Variants in ADCY2 observed in about 807,000 individuals in gnomAD.
ADCY2 encodes the protein adenylate cyclase 2, also known as adenylate cyclase type 2.
In ADCY2, 31 loss-of-function variants were observed where a neutral mutation model predicts 125.2. That is an observed-to-expected ratio of 0.25 (90% confidence interval 0.19 to 0.33). The LOEUF (loss-of-function observed/expected upper bound fraction) is 0.33. Ranked by LOEUF, ADCY2 falls within the 10% of genes least tolerant of loss-of-function variation. ADCY2 has a pLI of 1.00. For synonymous variants in ADCY2, 512 were observed against 548.4 expected, an observed-to-expected ratio of 0.93 and a Z score of 0.93; for missense variants, 904 against 1,418.2, an observed-to-expected ratio of 0.64 and a Z score of 5.82.
intron 18 of ADCY2, among the ~76,000 whole-genome samples, chr5:7,777,042 A>G (rs555523119): frequency 2.1e-5 from 3 of 141,222 alleles, no homozygotes; most frequent in African/African-American, 7.8e-5. Context: ...AATTCTCGGT[A>G]ATAAACTCCC....
At chr5:7,671,993 C>A (rs1036488652) in intron 4 of ADCY2, among the ~76,000 whole-genome samples, 1 of 152,052 alleles carries the variant, frequency 6.6e-6, no homozygotes, top group African/African-American at 2.4e-5. Flanking sequence ...GGTTTTGGTG[C>A]AGTGACTTTT....
At chr5:7,770,577 C>T (rs533889335) in intron 17 of ADCY2, among the ~76,000 whole-genome samples, 5 of 152,274 alleles carry the variant, frequency 3.3e-5, no homozygotes, top group East Asian at 1.9e-4. Flanking sequence ...ACTTAATCTT[C>T]GTGAGAATTC....
intron 2 of ADCY2, among the ~76,000 whole-genome samples, chr5:7,478,800 T>C (rs967606282): frequency 6.6e-6 from 1 of 152,176 alleles, no homozygotes; most frequent in African/African-American, 2.4e-5. Context: ...CATTATGTAT[T>C]GGAGTCATAG....
chr5:7,636,551 C>T (rs1738510855), intron 4 of ADCY2, among the ~76,000 whole-genome samples: 2 of 152,154 alleles, frequency 1.3e-5, no homozygotes, highest in Admixed American at 1.3e-4. Context: ...CCTTGAGAAA[C>T]TGCAAGGAGG....
At chr5:7,688,508 A>T (rs991964019) in intron 4 of ADCY2, among the ~76,000 whole-genome samples, 3 of 152,046 alleles carry the variant, frequency 2.0e-5, no homozygotes, top group African/African-American at 7.3e-5. Flanking sequence ...ACCTCAGGTG[A>T]TCTGCCCGCA....
chr5:7,552,284 A>C (rs1046239152), intron 3 of ADCY2, among the ~76,000 whole-genome samples: 3 of 152,232 alleles, frequency 2.0e-5, no homozygotes, highest in South Asian at 2.1e-4. Context: ...CATTTTAATT[A>C]CATTGTTTTT....
chr5:7,577,848 G>T (rs1341074323), intron 3 of ADCY2, among the ~76,000 whole-genome samples: 1 of 152,188 alleles, frequency 6.6e-6, no homozygotes, highest in Admixed American at 6.6e-5. Flanking sequence ...AGCACTTACA[G>T]TTTGATTGCT....
Position 7,491,593 on chromosome 5 carries a change from T to C in ADCY2, c.409-29145T>C, listed in dbSNP as rs188462100. Among the ~76,000 whole-genome samples, 146 of 152,306 alleles carry C rather than the reference T, an allele frequency of 9.6e-4. 1 individual carries two copies. The highest frequency in any genetic ancestry group is 3.2e-3 in the African/African-American group (133 of 41,572). On this transcript the variant is annotated intron_variant, in intron 2 of 24. Transcript: ENST00000338316. ...TTTGTTCTTTTCTTTTTGTGCATTA[T>C]ATATAGAAAAACAGTTTATATAATT...
chr5:7,790,554 G>A (rs1249709351), intron 20 of ADCY2, among the ~76,000 whole-genome samples: 6 of 152,248 alleles, frequency 3.9e-5, no homozygotes, highest in Non-Finnish European at 8.8e-5. Flanking sequence ...ATGTATCTGA[G>A]CATCCACAGT....
chr5:7,718,443 C>T lies in ADCY2; in HGVS notation c.1703+1206C>T, dbSNP rs377371975. Among the ~76,000 whole-genome samples, 31 of 152,212 alleles carry T rather than the reference C, an allele frequency of 2.0e-4. No individual in the cohort carries two copies. In the Middle Eastern group the frequency reaches 0.01, roughly 50 times the overall value. On this transcript the variant is annotated intron_variant, in intron 12 of 24. Coordinates refer to ENST00000338316, the MANE Select transcript of ADCY2 (RefSeq NM_020546.3). ...GATTACAGGTGTGAGCCACCACGCC[C>T]GGCCTTAGATTGTTCCTTGTAGGTA... is the stretch of plus-strand genomic sequence containing the variant.
At chr5:7,437,076 C>T (rs1267561824) in intron 2 of ADCY2, among the ~76,000 whole-genome samples, 1 of 152,170 alleles carries the variant, frequency 6.6e-6, no homozygotes, top group Non-Finnish European at 1.5e-5. Flanking sequence ...CCGTGCTTCC[C>T]TCCATCATGC....
intron 4 of ADCY2, among the ~76,000 whole-genome samples, chr5:7,678,513 AAG>A (rs369360459): frequency 6.6e-6 from 1 of 152,242 alleles, no homozygotes; most frequent in African/African-American, 2.4e-5. Context: ...ATAAAATTGA[AAG>A]AGAGAGATGT....
rs561359357 is a variant in ADCY2 at position 7,699,081 on chromosome 5, ATTTTTTTTTTTTTTTTTTTTTT to A, written c.1109+720_1109+741del. Among the ~76,000 whole-genome samples the A allele has an allele frequency of 7.9e-5, 3 of 37,964 alleles. No individual in the cohort carries two copies. The East Asian group carries it at 4.1e-3, about 52-fold the overall frequency. The allele number at this position is 37,964 out of a possible 152,430, so 24.9% of individuals were successfully genotyped here. On this transcript the variant is annotated intron_variant, in intron 7 of 24. Transcript: ENST00000338316. ...CCTGAGTCAGGAAACAACAGTAAGC[ATTTTTTTTTTTTTTTTTTTTTT>A]TTTTTTTTTTTTGAGACGGAGTCTC...
intron 14 of ADCY2, among the ~76,000 whole-genome samples, chr5:7,738,917 C>T (rs953644234): frequency 6.6e-6 from 1 of 151,870 alleles, no homozygotes; most frequent in Non-Finnish European, 1.5e-5. Context: ...ATAAAAGCAT[C>T]TTATGCATAT....
chr5:7,622,259 T>A (rs189652812), intron 3 of ADCY2, among the ~76,000 whole-genome samples: 1 of 152,336 alleles, frequency 6.6e-6, no homozygotes, highest in East Asian at 1.9e-4. Context: ...ATTCCATGCA[T>A]GCATCATTTT....
At chr5:7,626,612 G>C (rs965390460) in intron 4 of ADCY2, among the ~76,000 whole-genome samples, 1 of 152,288 alleles carries the variant, frequency 6.6e-6, no homozygotes, top group East Asian at 1.9e-4. Flanking sequence ...TCCACTCATG[G>C]ATAATGGGTA....
intron 1 of ADCY2, among the ~76,000 whole-genome samples, chr5:7,400,194 G>A (rs990512120): frequency 6.6e-6 from 1 of 151,986 alleles, no homozygotes; most frequent in Non-Finnish European, 1.5e-5. Context: ...CAATATAAAT[G>A]AAAAAATTTT....
At chr5:7,789,513 G>A (rs976590156) in intron 19 of ADCY2, 129 bp from the exon 20 acceptor site, 38 of 844,952 alleles carry the variant, frequency 4.5e-5, no homozygotes, top group Non-Finnish European at 6.1e-5. Context: ...TTATGGGGAG[G>A]GTGGAAGTTC....
chr5:7,572,977 G>T (rs1303119072), intron 3 of ADCY2, among the ~76,000 whole-genome samples: 2 of 152,050 alleles, frequency 1.3e-5, no homozygotes, highest in Non-Finnish European at 2.9e-5. Context: ...TTTAGGGTGG[G>T]CTGTAATCTG....
Sources: gnomAD v4.1 joint callset for allele counts (sites outside exome capture counted in the v4.1 genomes callset) on GRCh38, gnomAD v4.1.1 for gene constraint, MANE v1.5 for transcripts, NCBI Gene and HGNC (gene_info 2026-07-23, HGNC 2026-07-21) for gene names.